CDK12: variants seen among roughly 807,000 people sequenced by gnomAD.
The protein encoded by CDK12 is cyclin dependent kinase 12.
A neutral mutation model predicts 133.8 loss-of-function variants in CDK12; 17 were observed. That is an observed-to-expected ratio of 0.13 (90% CI 0.09 to 0.19). The LOEUF (loss-of-function observed/expected upper bound fraction) is 0.19. Ranked by LOEUF, CDK12 falls within the 10% of genes least tolerant of loss-of-function variation. The probability of loss-of-function intolerance (pLI) is 1.00; values close to 1 mark genes in which losing one functional copy is unlikely to be tolerated. For missense variants in CDK12, 1,508 were observed against 1,818.7 expected (o/e 0.83, Z 3.11); for synonymous variants, 694 against 683.6 (o/e 1.02, Z -0.24).
At chr17:39,486,826 G>A (rs1335992234) in intron 2 of CDK12, among the ~76,000 whole-genome samples, 1 of 151,972 alleles carries the variant, frequency 6.6e-6, no homozygotes, top group Non-Finnish European at 1.5e-5. Flanking sequence ...GGCCAATATG[G>A]TGAAACCCCA....
At chr17:39,539,937 ATGAAGT>A (rs1329772058) in intron 1 of CDK12, among the ~76,000 whole-genome samples, 1 of 152,222 alleles carries the variant, frequency 6.6e-6, no homozygotes, top group Admixed American at 6.5e-5. Flanking sequence ...GTATTAGGAA[ATGAAGT>A]TGGAGGAGCA....
downstream of CDK12, among the ~76,000 whole-genome samples, chr17:39,535,324 A>T (rs1254085664): frequency 6.6e-6 from 1 of 152,222 alleles, no homozygotes; most frequent in Non-Finnish European, 1.5e-5. Flanking sequence ...GGGATACACC[A>T]GAGCAAGGGA....
intron 13 of CDK12, 49 bp downstream of exon 13, chr17:39,526,365 C>A (rs1368414577): frequency 7.2e-7 from 1 of 1,388,746 alleles, no homozygotes; most frequent in Middle Eastern, 2.6e-4. Context: ...CTGTTGATAC[C>A]CTCTTAAAAA....
rs1211945442 is a variant in CDK12 at position 39,511,577 on chromosome 17, A to G, written c.2715A>G (p.Glu905=). ...TTACTTTGTGGTACCGACCTCCAGAACTACTGCTAGGAGAGGAACGTTACA... is the reference window on the plus strand; with the variant it reads ...TTACTTTGTGGTACCGACCTCCAGAGCTACTGCTAGGAGAGGAACGTTACA... ...KVITLWYRPP[E]LLLGEERYTP... is the part of the protein sequence containing the mutation. Residue 905 remains glutamate (E), a synonymous_variant, in exon 8 of 14, where the codon GAA becomes GAG. Coordinates refer to ENST00000447079, the MANE Select transcript of CDK12 (RefSeq NM_016507.4). The G allele has an allele frequency of 3.1e-6, 5 of 1,612,948 alleles. No individual in the cohort carries two copies. Among genetic ancestry groups the G allele is most frequent in the African/African-American group, 2.7e-5 (2 of 74,898 alleles).
intron 5 of CDK12, among the ~76,000 whole-genome samples, chr17:39,495,384 G>T (rs2052002880): frequency 9.0e-6 from 1 of 110,692 alleles, no homozygotes; most frequent in Non-Finnish European, 1.8e-5. Flanking sequence ...GGCCTCATGT[G>T]TTTTTTTTTT....
rs2053946515 is a variant in CDK12 at position 39,518,398 on chromosome 17, C to CT, written c.2963+843dup. The stretch of plus-strand genomic sequence containing the variant: ...CCCAGGCTGGTCTTGAGCTCCTGGG[C>CT]TCAAGTGCTCTTCCTGCCTCAGCCC... On this transcript the variant is annotated intron_variant, in intron 10 of 13. Coordinates refer to ENST00000447079, the MANE Select transcript of CDK12 (RefSeq NM_016507.4). Among the ~76,000 whole-genome samples, 2 of 151,354 alleles carry CT rather than the reference C, an allele frequency of 1.3e-5. 1 individual carries two copies. Among genetic ancestry groups the CT allele is most frequent in the Middle Eastern group, 6.9e-3 (2 of 290 alleles).
chr17:39,522,814 A>T (rs2054263955), intron 11 of CDK12, among the ~76,000 whole-genome samples: 1 of 151,988 alleles, frequency 6.6e-6, no homozygotes, highest in Non-Finnish European at 1.5e-5. Flanking sequence ...GCACTTTGGG[A>T]GGCCGAGGTG....
At chr17:39,551,140 A>AAGGT in exon 2 of CDK12, 1 of 152,182 alleles carries the variant, frequency 6.6e-6, no homozygotes, top group East Asian at 1.9e-4. Context: ...AGGAAAAGGA[A>AAGGT]AGGTAGGTAG....
intron 1 of CDK12, among the ~76,000 whole-genome samples, chr17:39,466,568 T>G (rs973223902): frequency 8.1e-6 from 1 of 123,542 alleles, no homozygotes; most frequent in African/African-American, 3.1e-5. Context: ...GAGCCGCGAT[T>G]GCAATAATTG....
intron 8 of CDK12, among the ~76,000 whole-genome samples, chr17:39,514,871 C>A (rs541484961): frequency 6.6e-6 from 1 of 151,966 alleles, no homozygotes; most frequent in East Asian, 1.9e-4. Context: ...TTTTGTAATC[C>A]CTTTCCTCTA....
chr17:39,536,636 A>G (rs2055146386), downstream of CDK12, among the ~76,000 whole-genome samples: 1 of 152,164 alleles, frequency 6.6e-6, no homozygotes, highest in East Asian at 1.9e-4. Context: ...AAGCTTGGTG[A>G]GAAGAGGGCT....
intron 6 of CDK12, among the ~76,000 whole-genome samples, chr17:39,503,269 C>T (rs1166547796): frequency 6.6e-6 from 1 of 152,122 alleles, no homozygotes; most frequent in African/African-American, 2.4e-5. Flanking sequence ...GACGGGATTT[C>T]ACCATATTGA....
intron 6 of CDK12, among the ~76,000 whole-genome samples, chr17:39,503,976 C>G (rs755068013): frequency 1.8e-4 from 27 of 152,168 alleles, no homozygotes; most frequent in Non-Finnish European, 2.8e-4. Flanking sequence ...CAGAGAGACC[C>G]TCTAAGAACT....
In CDK12 at chr17:39,532,889, G is replaced by A. The variant is rs541371292; in HGVS notation, c.*1573G>A. ...TAGAGTGTTTTAAAAACAGATACAT[G>A]TCATATAATTTATCTGCACAGACTT... is the stretch of plus-strand genomic sequence containing the variant. On this transcript the variant is annotated 3_prime_UTR_variant, in exon 14 of 14. Transcript: ENST00000447079. The A allele has an allele frequency of 1.8e-4, 42 of 232,940 alleles. No homozygotes were observed. The highest frequency in any genetic ancestry group is 3.3e-4 in the Non-Finnish European group (39 of 117,830). 14.4% of individuals were successfully genotyped at this position (232,940 alleles called of 1,614,324 possible). A position where few individuals can be genotyped will look rare whatever the true frequency, so the allele number is the denominator to read the frequency against.
chr17:39,463,212 C>T, intron 1 of CDK12, 95 bp downstream of exon 1: 1 of 1,061,224 alleles, frequency 9.4e-7, no homozygotes, highest in Non-Finnish European at 1.4e-6. Context: ...CCGCAGTGTT[C>T]ATCATTGACT....
intron 2 of CDK12, among the ~76,000 whole-genome samples, chr17:39,489,548 G>C (rs546479428): frequency 1.4e-5 from 2 of 140,238 alleles, no homozygotes; most frequent in Non-Finnish European, 3.1e-5. Context: ...ACTGTTGCCT[G>C]GGCTGGAGTG....
chr17:39,529,981 T>G (rs2054727019), intron 13 of CDK12: 1 of 152,226 alleles, frequency 6.6e-6, no homozygotes, highest in African/African-American at 2.4e-5. Flanking sequence ...ATATGGTAGT[T>G]ACAATCCTTT....
chr17:39,512,755 A>G (rs1028554979), intron 8 of CDK12, among the ~76,000 whole-genome samples: 2 of 152,260 alleles, frequency 1.3e-5, no homozygotes, highest in African/African-American at 2.4e-5. Context: ...TCAGGTCTAA[A>G]TAATATAGAA....
chr17:39,489,649 T>C (rs2051418657), intron 2 of CDK12, among the ~76,000 whole-genome samples: 1 of 151,172 alleles, frequency 6.6e-6, no homozygotes, highest in Non-Finnish European at 1.5e-5. Context: ...GCTGCTACCA[T>C]GCCCGGCTAA....
Sources: allele counts gnomAD v4.1 joint callset (sites outside exome capture counted in the v4.1 genomes callset), GRCh38; gene constraint gnomAD v4.1.1; transcripts MANE v1.5; gene names NCBI Gene and HGNC (gene_info 2026-07-23, HGNC 2026-07-21).